THEM4: variants seen among roughly 807,000 people sequenced by gnomAD.
THEM4 encodes the protein acyl-coenzyme A thioesterase THEM4.
A neutral mutation model predicts 25.0 loss-of-function variants in THEM4; 22 were observed. The ratio of observed to expected loss-of-function variants is 0.88; its 90% CI spans 0.63 to 1.26. THEM4 has a LOEUF of 1.26. THEM4 is among the 50% of genes most tolerant of loss of function. THEM4 has a pLI of 0.00. For missense variants in THEM4, 286 were observed against 300.3 expected (o/e 0.95, Z 0.35); for synonymous variants, 113 against 105.6 (o/e 1.07, Z -0.43).
chr1:151,892,872 G>A (rs549035761), intron 2 of THEM4, among the ~76,000 whole-genome samples: 1 of 152,234 alleles, frequency 6.6e-6, no homozygotes, highest in South Asian at 2.1e-4. Flanking sequence ...GAGACTTGAG[G>A]GCACCCCAAC....
chr1:151,897,753 C>T (rs942490747), intron 1 of THEM4, among the ~76,000 whole-genome samples: 3 of 152,214 alleles, frequency 2.0e-5, no homozygotes, highest in Non-Finnish European at 4.4e-5. Context: ...GGAGACATCC[C>T]AAATACTGTG....
In THEM4 at chr1:151,870,984, C is replaced by G. The variant is rs1405199768; in HGVS notation, c.*3904G>C. Reference sequence around the variant, plus strand: ...TAGTTTAAAGATATTTTAGCACTAACCAGCATCAATTCCTAATATTCATTC... The same window carrying G: ...TAGTTTAAAGATATTTTAGCACTAAGCAGCATCAATTCCTAATATTCATTC... On this transcript the variant is annotated 3_prime_UTR_variant, in exon 6 of 6. Transcript: ENST00000368814. Among the ~76,000 whole-genome samples, 1 of 152,080 alleles carries G rather than the reference C, an allele frequency of 6.6e-6. No individual in the cohort carries two copies. The highest frequency in any genetic ancestry group is 1.5e-5 in the Non-Finnish European group (1 of 68,016).
intron 1 of THEM4, among the ~76,000 whole-genome samples, chr1:151,907,363 G>A (rs1372221565): frequency 2.0e-5 from 3 of 152,180 alleles, no homozygotes; most frequent in Non-Finnish European, 4.4e-5. Flanking sequence ...GTGAGACCAA[G>A]AACCCATCAA....
At chr1:151,882,039 T>TTC in intron 4 of THEM4, among the ~76,000 whole-genome samples, 1 of 151,874 alleles carries the variant, frequency 6.6e-6, no homozygotes, top group South Asian at 2.1e-4. Flanking sequence ...AATTTTTTTT[T>TTC]TCTCTCTCTC....
At chr1:151,888,176 A>T in intron 4 of THEM4, 97 bp downstream of exon 4, 1 of 913,704 alleles carries the variant, frequency 1.1e-6, no homozygotes, top group Non-Finnish European at 1.7e-6. Context: ...GCACTTCCTT[A>T]ATAATCACTT....
intron 4 of THEM4, among the ~76,000 whole-genome samples, chr1:151,877,844 A>G (rs1653716812): frequency 6.6e-6 from 1 of 152,230 alleles, no homozygotes; most frequent in Non-Finnish European, 1.5e-5. Context: ...ACATATCACA[A>G]TGAAAGGATA....
intron 3 of THEM4, 59 bp downstream of exon 3, chr1:151,889,155 A>T (rs1654033687): frequency 4.8e-6 from 7 of 1,465,904 alleles, no homozygotes; most frequent in Admixed American, 1.7e-5. Context: ...TACAGGACAC[A>T]TGGGGGCAGT....
At chr1:151,884,834 G>A (rs913438807) in intron 4 of THEM4, among the ~76,000 whole-genome samples, 1 of 151,330 alleles carries the variant, frequency 6.6e-6, no homozygotes, top group Non-Finnish European at 1.5e-5. Flanking sequence ...GATTACAGGT[G>A]CGCACCACCA....
intron 3 of THEM4, 121 bp downstream of exon 3, chr1:151,889,093 T>C: frequency 1.6e-6 from 1 of 625,156 alleles, no homozygotes. Context: ...TCTTTCCATG[T>C]CAATAAATAT....
intron 1 of THEM4, among the ~76,000 whole-genome samples, chr1:151,909,089 C>G (rs1206413233): frequency 6.6e-6 from 1 of 151,132 alleles, no homozygotes; most frequent in Non-Finnish European, 1.5e-5. Context: ...TATAAATAGA[C>G]AGACTAAATT....
chr1:151,889,666 A>G (rs1654047614), intron 2 of THEM4: 1 of 251,450 alleles, frequency 4.0e-6, no homozygotes, highest in Non-Finnish European at 7.6e-6. Context: ...AATATACTGA[A>G]TAAAATGGTA....
At chr1:151,906,691 A>G (rs1462521320) in intron 1 of THEM4, among the ~76,000 whole-genome samples, 1 of 152,174 alleles carries the variant, frequency 6.6e-6, no homozygotes, top group Non-Finnish European at 1.5e-5. Context: ...AAGGTTTATA[A>G]ACACACCAAT....
At chr1:151,879,155 T>G (rs1653754347) in intron 4 of THEM4, among the ~76,000 whole-genome samples, 1 of 152,038 alleles carries the variant, frequency 6.6e-6, no homozygotes, top group South Asian at 2.1e-4. Flanking sequence ...TTTCAAAAAT[T>G]TATTAAAACT....
chr1:151,893,377 C>CAAAAAAAAAAAA (rs776463445), intron 2 of THEM4, among the ~76,000 whole-genome samples: 2 of 130,866 alleles, frequency 1.5e-5, no homozygotes, highest in Non-Finnish European at 3.1e-5. Context: ...TTCTCAAAAC[C>CAAAAAAAAAAAA]AAAAACAAAA....
chr1:151,899,148 T>C (rs951430720), intron 1 of THEM4, among the ~76,000 whole-genome samples: 2 of 152,160 alleles, frequency 1.3e-5, no homozygotes, highest in Non-Finnish European at 2.9e-5. Context: ...ATCAGGGAGA[T>C]ACCAGAGAAA....
chr1:151,881,236 T>C (rs1653805872), intron 4 of THEM4, among the ~76,000 whole-genome samples: 2 of 152,180 alleles, frequency 1.3e-5, no homozygotes, highest in African/African-American at 2.4e-5. Context: ...GGCGCAATCA[T>C]AGCTTACTGC....
At chr1:151,903,482 G>T (rs1654395490) in intron 1 of THEM4, among the ~76,000 whole-genome samples, 1 of 152,134 alleles carries the variant, frequency 6.6e-6, no homozygotes, top group Non-Finnish European at 1.5e-5. Context: ...CATTAAGGTA[G>T]ATATTTAAAT....
At chr1:151,900,617 C>A (rs1423714299) in intron 1 of THEM4, among the ~76,000 whole-genome samples, 1 of 152,150 alleles carries the variant, frequency 6.6e-6, no homozygotes, top group Non-Finnish European at 1.5e-5. Flanking sequence ...AAGGCCTTGT[C>A]CAAAAGGAAA....
At chr1:151,891,408 G>C (rs749445402) in intron 2 of THEM4, 1 of 152,136 alleles carries the variant, frequency 6.6e-6, no homozygotes, top group African/African-American at 2.4e-5. Context: ...ATTTTCTCTA[G>C]CAATGCTTAA....
Sources: gnomAD v4.1 joint callset for allele counts (sites outside exome capture counted in the v4.1 genomes callset) on GRCh38, gnomAD v4.1.1 for gene constraint, MANE v1.5 for transcripts, NCBI Gene and HGNC (gene_info 2026-07-23, HGNC 2026-07-21) for gene names.